BTBD9: variants seen among roughly 807,000 people sequenced by gnomAD.
The protein encoded by BTBD9 is BTB domain containing 9.
In BTBD9, 49 loss-of-function variants were observed where a neutral mutation model predicts 64.3. The ratio of observed to expected loss-of-function variants is 0.76; its 90% CI spans 0.61 to 0.97. The LOEUF (loss-of-function observed/expected upper bound fraction) is 0.97, where lower values mean the gene tolerates loss of function less well. Ranked by LOEUF, BTBD9 falls within the 50% of genes least tolerant of loss-of-function variation. The pLI is 0.00. For missense variants in BTBD9, 598 were observed against 762.1 expected (o/e 0.78, Z 2.53); for synonymous variants, 260 against 274.7 (o/e 0.95, Z 0.53).
intron 6 of BTBD9, among the ~76,000 whole-genome samples, chr6:38,403,132 G>A (rs1582372276): frequency 3.2e-5 from 4 of 123,170 alleles, no homozygotes; most frequent in Non-Finnish European, 4.8e-5. Flanking sequence ...AAGAAAAGAA[G>A]AGAAGAGAAG....
At chr6:38,508,542 T>A (rs1045368283) in intron 6 of BTBD9, among the ~76,000 whole-genome samples, 25 of 152,222 alleles carry the variant, frequency 1.6e-4, no homozygotes, top group Non-Finnish European at 5.9e-5. Flanking sequence ...CAAAGCCATT[T>A]TTCACAGAGC....
intron 6 of BTBD9, among the ~76,000 whole-genome samples, chr6:38,541,841 G>A (rs1167208124): frequency 2.0e-5 from 3 of 152,188 alleles, no homozygotes; most frequent in Non-Finnish European, 4.4e-5. Flanking sequence ...CTTCTAGAAA[G>A]TTTAATATAA....
intron 6 of BTBD9, among the ~76,000 whole-genome samples, chr6:38,569,614 C>T (rs1458590969): frequency 6.6e-6 from 1 of 151,988 alleles, no homozygotes; most frequent in East Asian, 1.9e-4. Flanking sequence ...TTATAAAATA[C>T]AATGCAAAGG....
rs1303529340 is a variant in BTBD9 at position 38,304,750 on chromosome 6, T to G, written c.1265-16289A>C. On this transcript the variant is annotated intron_variant, in intron 7 of 10. Transcript: ENST00000481247. ...CTGGACTTCTCTTAATTCTGATTCC[T>G]ACTTTTTGCTAATAAGTCAAATTAA... Among the ~76,000 whole-genome samples, 4 of 152,276 alleles carry G rather than the reference T, an allele frequency of 2.6e-5. No homozygotes were observed. The East Asian group carries it at 7.7e-4, about 29-fold the overall frequency.
chr6:38,478,567 T>C (rs556103039), intron 6 of BTBD9, among the ~76,000 whole-genome samples: 3 of 152,070 alleles, frequency 2.0e-5, no homozygotes, highest in African/African-American at 7.2e-5. Flanking sequence ...CTTCCCATAC[T>C]CTCCTTAGAG....
chr6:38,554,182 G>A (rs971515442), intron 6 of BTBD9, among the ~76,000 whole-genome samples: 3 of 152,104 alleles, frequency 2.0e-5, no homozygotes, highest in African/African-American at 7.2e-5. Context: ...AGAGAAGAAG[G>A]AGTCAGTCAC....
At chr6:38,503,340 G>A (rs925317989) in intron 6 of BTBD9, among the ~76,000 whole-genome samples, 1 of 151,940 alleles carries the variant, frequency 6.6e-6, no homozygotes, top group Non-Finnish European at 1.5e-5. Context: ...GACGGCCCAG[G>A]CTAATCTCTC....
intron 9 of BTBD9, among the ~76,000 whole-genome samples, chr6:38,216,829 A>G (rs1449577770): frequency 1.3e-5 from 2 of 152,206 alleles, no homozygotes; most frequent in Non-Finnish European, 2.9e-5. Flanking sequence ...TCTGATGCAC[A>G]TTCTGATGCG....
At chr6:38,191,582 G>C (rs1226043787) in intron 10 of BTBD9, among the ~76,000 whole-genome samples, 2 of 152,244 alleles carry the variant, frequency 1.3e-5, no homozygotes, top group African/African-American at 4.8e-5. Flanking sequence ...GCACTATCCT[G>C]TGACTTGAGC....
chr6:38,495,296 C>T (rs905778954), intron 6 of BTBD9, among the ~76,000 whole-genome samples: 6 of 152,180 alleles, frequency 3.9e-5, no homozygotes, highest in Admixed American at 2.0e-4. Flanking sequence ...AATGAAATAA[C>T]TAAGCCTGAC....
At chr6:38,546,229 C>T (rs1774548876) in intron 6 of BTBD9, among the ~76,000 whole-genome samples, 1 of 152,126 alleles carries the variant, frequency 6.6e-6, no homozygotes, top group African/African-American at 2.4e-5. Context: ...TGACAAAGGG[C>T]TGGAGATGGA....
At chr6:38,556,387 T>C (rs112580925) in intron 6 of BTBD9, among the ~76,000 whole-genome samples, 289 of 152,250 alleles carry the variant, frequency 1.9e-3, no homozygotes, top group African/African-American at 6.4e-3. Context: ...CATTCAAATG[T>C]ATATCTGACA....
At chr6:38,615,306 T>A (rs1777746948) in intron 1 of BTBD9, among the ~76,000 whole-genome samples, 1 of 152,240 alleles carries the variant, frequency 6.6e-6, no homozygotes, top group South Asian at 2.1e-4. Flanking sequence ...TTACATGCCA[T>A]TTCTCCACAT....
At position 38,350,394 on chromosome 6, in the gene BTBD9, C is replaced by G. The variant is rs999105378; in HGVS notation, c.1155-5301G>C. On this transcript the variant is annotated intron_variant, in intron 6 of 10. Transcript: ENST00000481247. ...GCAACTTCTGCATTCCAACTTTAAA[C>G]CCGTGGTATTCCGCAGTCTTCAGTT... Among the ~76,000 whole-genome samples, 19 of 152,164 alleles carry G rather than the reference C, an allele frequency of 1.2e-4. 1 individual carries two copies. Among genetic ancestry groups the G allele is most frequent in the Non-Finnish European group, 1.0e-4 (7 of 68,026 alleles).
At chr6:38,614,544 A>T (rs987501633) in intron 1 of BTBD9, among the ~76,000 whole-genome samples, 3 of 152,150 alleles carry the variant, frequency 2.0e-5, no homozygotes, top group Non-Finnish European at 1.5e-5. Context: ...TACTTTTCTC[A>T]AAGATACCTC....
chr6:38,244,834 A>G (rs1010275506), intron 9 of BTBD9, among the ~76,000 whole-genome samples: 4 of 152,240 alleles, frequency 2.6e-5, no homozygotes, highest in Non-Finnish European at 4.4e-5. Context: ...AAGATGACAG[A>G]TCAATAATGG....
intron 7 of BTBD9, among the ~76,000 whole-genome samples, chr6:38,342,287 G>A (rs1041486037): frequency 3.3e-5 from 5 of 152,068 alleles, no homozygotes; most frequent in Admixed American, 2.6e-4. Flanking sequence ...TGTAATCCCA[G>A]CAGTTTGGGA....
intron 6 of BTBD9, among the ~76,000 whole-genome samples, chr6:38,518,126 A>G (rs1250564419): frequency 1.3e-5 from 2 of 152,218 alleles, no homozygotes; most frequent in African/African-American, 4.8e-5. Flanking sequence ...GAAACCATTC[A>G]GGCAGCAACA....
Position 38,594,225 on chromosome 6 carries a change from G to T in BTBD9, c.288C>A (p.Tyr96Ter), listed in dbSNP as rs1223316400. Residue 96 changes from tyrosine (Y) to a stop codon, truncating the protein, a stop_gained, in exon 3 of 11, where the codon TAC (tyrosine) becomes TAA (stop). Transcript: ENST00000481247. LOFTEE classifies it high-confidence loss of function. ...CATCTGTCAGCGTTGCCCGCCCAGT[G>T]TAGATATATTTGAGTAGCATTGTGA... ...EAFTMLLKYI[Y>*]TGRATLTDEK... The T allele has an allele frequency of 6.2e-7, 1 of 1,614,212 alleles. No homozygotes were observed. Among genetic ancestry groups the T allele is most frequent in the South Asian group, 1.1e-5 (1 of 91,078 alleles).
Sources: gnomAD v4.1 joint callset for allele counts (sites outside exome capture counted in the v4.1 genomes callset) on GRCh38, gnomAD v4.1.1 for gene constraint, MANE v1.5 for transcripts, NCBI Gene and HGNC (gene_info 2026-07-23, HGNC 2026-07-21) for gene names.